CLMN: variants seen among roughly 807,000 people sequenced by gnomAD.
The protein encoded by CLMN is calmin (calponin-like, transmembrane).
CLMN carries 57 observed loss-of-function variants against 92.7 expected under a neutral mutation model. That is an observed-to-expected ratio of 0.61 (90% confidence interval 0.50 to 0.77). CLMN has a LOEUF of 0.77. Among genes scored for constraint, CLMN ranks in the 30% least tolerant of loss-of-function variants. CLMN has a pLI of 0.00. For synonymous variants in CLMN, 466 were observed against 470.6 expected, an observed-to-expected ratio of 0.99 and a Z score of 0.13; for missense variants, 1,158 against 1,237.5, an observed-to-expected ratio of 0.94 and a Z score of 0.96.
Position 95,191,847 on chromosome 14 carries a change from G to A in CLMN, c.2841-115C>T. 1 of 980,736 alleles carries A rather than the reference G, an allele frequency of 1.0e-6. No homozygotes were observed. The highest frequency in any genetic ancestry group is 1.5e-6 in the Non-Finnish European group (1 of 673,180). 60.8% of individuals were successfully genotyped at this position (980,736 alleles called of 1,614,324 possible). On this transcript the variant is annotated intron_variant, in intron 12 of 12. Coordinates refer to ENST00000298912, the MANE Select transcript of CLMN (RefSeq NM_024734.4). The surrounding 1 kb of genome is among the most constrained non-coding windows in gnomAD (Gnocchi z 5.3). ...CCACTCCCCGCCTGAAGACCCGAAG[G>A]CTCCCCAGCACCATGTCCAGGTAGG...
rs190034926 is a variant in CLMN, at chr14:95,231,344, G to A, written c.83-1211C>T. Reference sequence around the variant, plus strand: ...CCAGAGTAGCTGGGACTACAGGCGCGCACCACCATGCCTGGCTAATTTTTG... The same window carrying A: ...CCAGAGTAGCTGGGACTACAGGCGCACACCACCATGCCTGGCTAATTTTTG... On this transcript the variant is annotated intron_variant, in intron 1 of 12. Transcript: ENST00000298912. Among the ~76,000 whole-genome samples, 1,360 of 151,968 alleles carry A rather than the reference G, an allele frequency of 8.9e-3. 15 individuals are homozygous for A. The highest frequency in any genetic ancestry group is 0.015 in the Non-Finnish European group (987 of 67,962).
intron 5 of CLMN, among the ~76,000 whole-genome samples, chr14:95,214,344 CTTTTTTTT>C (rs140176893): frequency 1.8e-5 from 2 of 109,302 alleles, no homozygotes; most frequent in East Asian, 2.8e-4. Flanking sequence ...GCTGCTGCTG[CTTTTTTTT>C]TTTTTTTTTT....
Position 95,230,194 on chromosome 14 carries a change from C to T in CLMN, c.83-61G>A, listed in dbSNP as rs926293358. Reference sequence around the variant, plus strand: ...AGAAGTATGTGCAAAATCACACCTTCCCCTTCCCAAGGGGAGATTCTAGGT... The same window carrying T: ...AGAAGTATGTGCAAAATCACACCTTTCCCTTCCCAAGGGGAGATTCTAGGT... On this transcript the variant is annotated intron_variant, in intron 1 of 12. Transcript: ENST00000298912. The T allele has an allele frequency of 2.2e-5, 33 of 1,478,142 alleles. No individual in the cohort carries two copies. In the African/African-American group the frequency reaches 4.3e-4, roughly 19 times the overall value. The allele number at this position is 1,478,142 out of a possible 1,614,324, so 91.6% of individuals were successfully genotyped here. A position where few individuals can be genotyped will look rare whatever the true frequency, so the allele number is the denominator to read the frequency against.
At chr14:95,293,017 C>T (rs1189454945) in intron 1 of CLMN, among the ~76,000 whole-genome samples, 1 of 152,160 alleles carries the variant, frequency 6.6e-6, no homozygotes, top group Non-Finnish European at 1.5e-5. Flanking sequence ...CCATGAGAAC[C>T]ACTAGGAATG....
intron 2 of CLMN, among the ~76,000 whole-genome samples, chr14:95,226,076 C>A (rs900904368): frequency 2.0e-5 from 3 of 152,144 alleles, no homozygotes; most frequent in Non-Finnish European, 4.4e-5. Context: ...CCACTGCACC[C>A]GCTTTAATCA....
chr14:95,266,300 T>C (rs991903048), intron 1 of CLMN, among the ~76,000 whole-genome samples: 10 of 152,162 alleles, frequency 6.6e-5, no homozygotes, highest in African/African-American at 2.2e-4. Flanking sequence ...ATCTTGCATT[T>C]AGAAAAACCT....
Position 95,270,542 on chromosome 14 carries a change from C to A in CLMN, c.83-40409G>T, listed in dbSNP as rs183450249. 2.6e-3 allele frequency among the ~76,000 whole-genome samples: 402 copies of A among 152,274 alleles called. 1 individual carries two copies. The highest frequency in any genetic ancestry group is 5.8e-3 in the Admixed American group (89 of 15,298). ...ATAAATGGAATCATATAATATGTGG[C>A]CTTTTGGACTGGCTTCTTTTAGCAT... is the stretch of plus-strand genomic sequence containing the variant. On this transcript the variant is annotated intron_variant, in intron 1 of 12. Transcript: ENST00000298912.
At chr14:95,318,137 T>C (rs1358690149) in intron 1 of CLMN, among the ~76,000 whole-genome samples, 1 of 152,196 alleles carries the variant, frequency 6.6e-6, no homozygotes, top group Non-Finnish European at 1.5e-5. Context: ...AGGAACTTGT[T>C]GCACGAAGCA....
intron 1 of CLMN, among the ~76,000 whole-genome samples, chr14:95,261,431 TG>T (rs1242044773): frequency 6.6e-6 from 1 of 152,238 alleles, no homozygotes; most frequent in African/African-American, 2.4e-5. Context: ...CTTTGTAAAC[TG>T]GTCTACTCTC....
chr14:95,310,648 C>T (rs1901497214), intron 1 of CLMN, among the ~76,000 whole-genome samples: 1 of 152,222 alleles, frequency 6.6e-6, no homozygotes. Context: ...CTCAGGGCTC[C>T]ACTCAGAGGC....
intron 1 of CLMN, among the ~76,000 whole-genome samples, chr14:95,235,998 G>A (rs1241219902): frequency 6.6e-6 from 1 of 152,342 alleles, no homozygotes; most frequent in East Asian, 1.9e-4. Flanking sequence ...TGTAGAGAAG[G>A]AGACATTTGA....
intron 3 of CLMN, 59 bp from the exon 4 acceptor site, chr14:95,221,833 C>G: frequency 1.3e-6 from 2 of 1,488,140 alleles, no homozygotes; most frequent in Non-Finnish European, 1.9e-6. Flanking sequence ...CTTCCCAACA[C>G]CCAGCGGTGC....
chr14:95,279,969 G>A (rs1900082189), intron 1 of CLMN, among the ~76,000 whole-genome samples: 1 of 131,566 alleles, frequency 7.6e-6, no homozygotes, highest in Admixed American at 7.2e-5. Flanking sequence ...AGAATATGTT[G>A]TTGTTTTTTT....
chr14:95,297,945 G>A (rs1158150108), intron 1 of CLMN, among the ~76,000 whole-genome samples: 2 of 152,094 alleles, frequency 1.3e-5, no homozygotes, highest in African/African-American at 4.8e-5. Context: ...GAAATCTGAG[G>A]CTGTATGGTA....
intron 1 of CLMN, among the ~76,000 whole-genome samples, chr14:95,253,831 G>A (rs1166809208): frequency 1.3e-5 from 2 of 152,048 alleles, no homozygotes; most frequent in Admixed American, 6.5e-5. Context: ...AGCCAGGATG[G>A]TCTCGATCTC....
chr14:95,298,745 T>TGGAGACA (rs1422117024), intron 1 of CLMN, among the ~76,000 whole-genome samples: 3 of 152,136 alleles, frequency 2.0e-5, no homozygotes, highest in African/African-American at 7.2e-5. Context: ...GACCGTGAAA[T>TGGAGACA]GGAGACAGGT....
chr14:95,216,747 T>C lies in CLMN; in HGVS notation c.325-1014A>G, dbSNP rs1897362363. On this transcript the variant is annotated intron_variant, in intron 4 of 12. Coordinates refer to ENST00000298912, the MANE Select transcript of CLMN (RefSeq NM_024734.4). Reference sequence around the variant, plus strand: ...AGAAACCCTCAGGGTCTTATCTATGTATTTAACTATGTTCTGACCACAGAA... The same window carrying C: ...AGAAACCCTCAGGGTCTTATCTATGCATTTAACTATGTTCTGACCACAGAA... Among the ~76,000 whole-genome samples the C allele has an allele frequency of 2.6e-5, 4 of 152,238 alleles. No individual in the cohort carries two copies. In the South Asian group the frequency reaches 6.2e-4, roughly 24 times the overall value.
At chr14:95,319,139 G>A (rs369989211) in intron 1 of CLMN, among the ~76,000 whole-genome samples, 4 of 152,262 alleles carry the variant, frequency 2.6e-5, no homozygotes, top group South Asian at 2.1e-4. Context: ...GATCCTGCAG[G>A]GGAGGGGCAG....
intron 5 of CLMN, 138 bp downstream of exon 5, chr14:95,215,503 T>A (rs1897310639): frequency 1.4e-6 from 1 of 693,858 alleles, no homozygotes; most frequent in South Asian, 1.9e-5. Context: ...CTTCTAGTGC[T>A]TTTTCAGTGA....
Sources: gnomAD v4.1 joint callset for allele counts (sites outside exome capture counted in the v4.1 genomes callset) on GRCh38, gnomAD v4.1.1 for gene constraint, Gnocchi (gnomAD v3.1) non-coding constraint, MANE v1.5 for transcripts, NCBI Gene and HGNC (gene_info 2026-07-23, HGNC 2026-07-21) for gene names.